Variants in ASTN2 observed in about 807,000 individuals in gnomAD.
The protein encoded by ASTN2 is astrotactin-2.
Under a neutral mutation model 139.8 loss-of-function variants are expected in ASTN2, and 54 were observed. The observed-to-expected ratio is 0.39, with a 90% CI of 0.31 to 0.48. ASTN2 has a LOEUF of 0.48. ASTN2 is among the 20% of genes least tolerant of loss of function. ASTN2 has a pLI of 0.95. For missense variants in ASTN2, 1,565 were observed against 1,725.1 expected, an observed-to-expected ratio of 0.91 and a Z score of 1.64; for synonymous variants, 756 against 719.5, an observed-to-expected ratio of 1.05 and a Z score of -0.81.
intron 3 of ASTN2, among the ~76,000 whole-genome samples, chr9:117,213,146 C>T (rs965981388): frequency 1.1e-4 from 16 of 152,076 alleles, no homozygotes; most frequent in African/African-American, 3.9e-4. Flanking sequence ...CTTGATGGAA[C>T]TGAAGAACAT....
chr9:116,536,513 G>A (rs1245125241), intron 19 of ASTN2, among the ~76,000 whole-genome samples: 1 of 152,120 alleles, frequency 6.6e-6, no homozygotes, highest in Non-Finnish European at 1.5e-5. Context: ...TTTGATGATG[G>A]TGACGTACAG....
chr9:116,929,111 G>A (rs1426713232), intron 10 of ASTN2, among the ~76,000 whole-genome samples: 1 of 152,216 alleles, frequency 6.6e-6, no homozygotes, highest in East Asian at 1.9e-4. Flanking sequence ...TGTTGGAAAG[G>A]ACTTGGGAAC....
chr9:117,139,961 A>T (rs1332477909), intron 4 of ASTN2, among the ~76,000 whole-genome samples: 1 of 152,070 alleles, frequency 6.6e-6, no homozygotes, highest in Non-Finnish European at 1.5e-5. Flanking sequence ...AAGGTTTGAG[A>T]CTCAGACTGC....
chr9:117,012,217 G>C (rs985576164), intron 6 of ASTN2, among the ~76,000 whole-genome samples: 2 of 152,178 alleles, frequency 1.3e-5, no homozygotes, highest in Non-Finnish European at 2.9e-5. Flanking sequence ...CATCCTGTGA[G>C]AGCCAGAATA....
chr9:117,234,971 C>A (rs1044453744), intron 2 of ASTN2, among the ~76,000 whole-genome samples: 1 of 152,162 alleles, frequency 6.6e-6, no homozygotes, highest in African/African-American at 2.4e-5. Flanking sequence ...CAGTGGCTCA[C>A]GCCTGTAATC....
At chr9:116,442,316 T>G in intron 21 of ASTN2, 137 bp downstream of exon 21, 1 of 724,480 alleles carries the variant, frequency 1.4e-6, no homozygotes, top group Admixed American at 2.0e-5. Context: ...TCCTGTTCCC[T>G]TAGTGCCTTC....
At chr9:116,893,924 G>C (rs1833824009) in intron 10 of ASTN2, among the ~76,000 whole-genome samples, 1 of 152,130 alleles carries the variant, frequency 6.6e-6, no homozygotes, top group African/African-American at 2.4e-5. Flanking sequence ...CCCACGCTTG[G>C]TCAGAACCCT....
Position 117,368,827 on chromosome 9 carries a change from A to G in ASTN2, c.442+45670T>C, listed in dbSNP as rs190748037. On this transcript the variant is annotated intron_variant, in intron 1 of 22. Coordinates refer to ENST00000313400, the MANE Select transcript of ASTN2 (RefSeq NM_001365068.1). ...CAAAGCCACAGTTGGCCAAGTCCCC[A>G]CTGACAAAGGATTACTGTGCCTTTA... Among the ~76,000 whole-genome samples, 3 of 152,310 alleles carry G rather than the reference A, an allele frequency of 2.0e-5. No homozygotes were observed. In the East Asian group the frequency reaches 5.8e-4, roughly 29 times the overall value.
At chr9:117,050,250 C>A (rs1209706209) in intron 5 of ASTN2, among the ~76,000 whole-genome samples, 1 of 152,068 alleles carries the variant, frequency 6.6e-6, no homozygotes. Context: ...CGATCAGGAC[C>A]AGTCACCTCC....
intron 13 of ASTN2, among the ~76,000 whole-genome samples, chr9:116,797,417 C>T (rs929250648): frequency 6.6e-6 from 1 of 151,840 alleles, no homozygotes; most frequent in Admixed American, 6.6e-5. Context: ...TTTTTTTCTG[C>T]AACCAGTTCA....
Position 117,291,596 on chromosome 9 carries a change from G to A in ASTN2, c.443-83C>T, listed in dbSNP as rs1834595847. 4.6e-6 allele frequency: 6 copies of A among 1,306,420 alleles called. No individual in the cohort carries two copies. The South Asian group carries it at 8.8e-5, about 19-fold the overall frequency. The allele number at this position is 1,306,420 out of a possible 1,614,324, so 80.9% of individuals were successfully genotyped here. A position where few individuals can be genotyped will look rare whatever the true frequency, so the allele number is the denominator to read the frequency against. On this transcript the variant is annotated intron_variant, in intron 1 of 22. Transcript: ENST00000313400. ...GGAGGAAAAGAGCCCACATAATCAG[G>A]AGCTCAGAAGGCATCCATTTTTTGC... is the stretch of plus-strand genomic sequence containing the variant.
chr9:116,596,696 G>A (rs1015653852), intron 19 of ASTN2, among the ~76,000 whole-genome samples: 3 of 152,100 alleles, frequency 2.0e-5, no homozygotes, highest in African/African-American at 7.2e-5. Flanking sequence ...TTCAACAAAT[G>A]CTGAATGACA....
At chr9:117,247,617 A>AAAAACT (rs1329903176) in intron 2 of ASTN2, among the ~76,000 whole-genome samples, 1 of 152,250 alleles carries the variant, frequency 6.6e-6, no homozygotes, top group Non-Finnish European at 1.5e-5. Context: ...AAACAAAAAC[A>AAAAACT]AAAACTGTCA....
intron 4 of ASTN2, among the ~76,000 whole-genome samples, chr9:117,110,304 C>T (rs549105742): frequency 6.6e-6 from 1 of 152,104 alleles, no homozygotes; most frequent in African/African-American, 2.4e-5. Flanking sequence ...TCTGGGAATT[C>T]ACCATAAGGG....
chr9:116,925,698 A>G (rs554489440), intron 10 of ASTN2, among the ~76,000 whole-genome samples: 1 of 141,022 alleles, frequency 7.1e-6, no homozygotes, highest in South Asian at 2.6e-4. Context: ...CTATTTTTCC[A>G]TGTGTGGGGG....
chr9:116,838,615 G>A (rs1174173115), intron 11 of ASTN2, among the ~76,000 whole-genome samples: 7 of 140,526 alleles, frequency 5.0e-5, no homozygotes, highest in Non-Finnish European at 9.1e-5. Flanking sequence ...TTTCAGTAGA[G>A]ATGGAGTTTC....
chr9:116,907,542 A>G (rs1834195504), intron 10 of ASTN2, among the ~76,000 whole-genome samples: 1 of 152,170 alleles, frequency 6.6e-6, no homozygotes, highest in East Asian at 1.9e-4. Flanking sequence ...CATTGGTGTT[A>G]AGCAAGGCTA....
intron 7 of ASTN2, among the ~76,000 whole-genome samples, chr9:117,003,265 A>G (rs1564379183): frequency 6.6e-6 from 1 of 152,128 alleles, no homozygotes; most frequent in Admixed American, 6.5e-5. Context: ...CCTTGCTGCA[A>G]CAGGGTAGTC....
At chr9:117,207,053 C>A (rs1401898790) in intron 3 of ASTN2, among the ~76,000 whole-genome samples, 2 of 152,046 alleles carry the variant, frequency 1.3e-5, no homozygotes, top group South Asian at 4.1e-4. Context: ...CCCCATCAGC[C>A]ACTCCTTGTG....
Sources: allele counts gnomAD v4.1 joint callset (sites outside exome capture counted in the v4.1 genomes callset), GRCh38; gene constraint gnomAD v4.1.1; transcripts MANE v1.5; gene names NCBI Gene and HGNC (gene_info 2026-07-23, HGNC 2026-07-21).